ANKMY2: variants seen among roughly 807,000 people sequenced by gnomAD.
The protein encoded by ANKMY2 is ankyrin repeat and MYND domain containing 2.
A neutral mutation model predicts 50.4 loss-of-function variants in ANKMY2; 36 were observed. The ratio of observed to expected loss-of-function variants is 0.71; its 90% CI spans 0.55 to 0.94. The LOEUF (loss-of-function observed/expected upper bound fraction) is 0.94, where lower values mean the gene tolerates loss of function less well. Ranked by LOEUF, ANKMY2 falls within the 40% of genes least tolerant of loss-of-function variation. The pLI is 0.00. For synonymous variants in ANKMY2, 187 were observed against 178.8 expected (o/e 1.05, Z -0.36); for missense variants, 565 against 524.0 (o/e 1.08, Z -0.76).
intron 8 of ANKMY2, among the ~76,000 whole-genome samples, chr7:16,604,022 T>C: frequency 6.6e-6 from 1 of 152,230 alleles, no homozygotes; most frequent in Non-Finnish European, 1.5e-5. Flanking sequence ...GGAAACAGGT[T>C]CAGAGAAGTA....
At chr7:16,641,812 G>T (rs910834537) in intron 1 of ANKMY2, among the ~76,000 whole-genome samples, 3 of 152,150 alleles carry the variant, frequency 2.0e-5, no homozygotes, top group African/African-American at 7.2e-5. Flanking sequence ...GATACTTATT[G>T]TATGATTCTA....
chr7:16,614,644 A>G (rs1462330037), intron 5 of ANKMY2, among the ~76,000 whole-genome samples: 1 of 152,220 alleles, frequency 6.6e-6, no homozygotes, highest in African/African-American at 2.4e-5. Flanking sequence ...AGTCTTCAGA[A>G]GAGTCACCTT....
intron 7 of ANKMY2, among the ~76,000 whole-genome samples, chr7:16,609,336 C>T (rs1198343637): frequency 4.6e-5 from 7 of 152,028 alleles, no homozygotes; most frequent in African/African-American, 1.7e-4. Flanking sequence ...ATGTGTGTAC[C>T]TATATTACAT....
chr7:16,625,878 G>A (rs943943038), intron 3 of ANKMY2, among the ~76,000 whole-genome samples: 3 of 151,636 alleles, frequency 2.0e-5, no homozygotes, highest in African/African-American at 4.8e-5. Context: ...TGATTACTGC[G>A]CAAAATGTTT....
chr7:16,623,468 T>C (rs964620975), intron 4 of ANKMY2, among the ~76,000 whole-genome samples: 1 of 152,306 alleles, frequency 6.6e-6, no homozygotes, highest in Admixed American at 6.5e-5. Flanking sequence ...TTGGGAAATT[T>C]TTTTACCTGT....
At chr7:16,620,726 A>G (rs1398312913) in intron 4 of ANKMY2, among the ~76,000 whole-genome samples, 1 of 152,174 alleles carries the variant, frequency 6.6e-6, no homozygotes, top group Non-Finnish European at 1.5e-5. Flanking sequence ...AATATACATA[A>G]GCTAAATACC....
intron 4 of ANKMY2, among the ~76,000 whole-genome samples, chr7:16,619,582 A>G (rs1249366178): frequency 6.6e-6 from 1 of 152,168 alleles, no homozygotes; most frequent in Non-Finnish European, 1.5e-5. Flanking sequence ...ATATTTGAAT[A>G]ATATGTTTAA....
At chr7:16,612,414 T>G (rs528137696) in intron 5 of ANKMY2, among the ~76,000 whole-genome samples, 21 of 152,220 alleles carry the variant, frequency 1.4e-4, no homozygotes, top group Non-Finnish European at 2.5e-4. Flanking sequence ...TTAGACTTAA[T>G]GAAGTAAGTA....
At chr7:16,620,500 G>T (rs1002236522) in intron 4 of ANKMY2, among the ~76,000 whole-genome samples, 2 of 152,014 alleles carry the variant, frequency 1.3e-5, no homozygotes, top group African/African-American at 4.8e-5. Flanking sequence ...ATCTTATAAA[G>T]TTGCTAAATG....
Position 16,645,593 on chromosome 7 carries a change from G to A in ANKMY2, c.-20C>T, listed in dbSNP as rs199967015. The A allele has an allele frequency of 1.2e-6, 2 of 1,608,102 alleles. No individual in the cohort carries two copies. The highest frequency in any genetic ancestry group is 2.3e-5 in the East Asian group (1 of 44,418). ...AACCATTGCTCCCGCCAGCTTGAAG[G>A]TTATTCCCTTTCTTAGGGAGTATTA... On this transcript the variant is annotated 5_prime_UTR_variant, in exon 1 of 10. Transcript: ENST00000306999.
At chr7:16,602,086 G>C (rs1398325523) in intron 9 of ANKMY2, among the ~76,000 whole-genome samples, 6 of 152,124 alleles carry the variant, frequency 3.9e-5, no homozygotes, top group Non-Finnish European at 5.9e-5. Context: ...CAGAATATAA[G>C]TTAATACCCA....
rs544424587 is a variant in ANKMY2 at position 16,632,824 on chromosome 7, C to T, written c.132+3567G>A. ...CCATGTTTAATCATGTGAGGAACTGCGAGACTATTTTCCAAAGTGGCTACA... is the reference window on the plus strand; with the variant it reads ...CCATGTTTAATCATGTGAGGAACTGTGAGACTATTTTCCAAAGTGGCTACA... On this transcript the variant is annotated intron_variant, in intron 2 of 9. Transcript: ENST00000306999. Among the ~76,000 whole-genome samples the T allele has an allele frequency of 1.5e-4, 23 of 152,262 alleles. 1 individual carries two copies. The South Asian group carries it at 2.5e-3, about 16-fold the overall frequency.
intron 1 of ANKMY2, chr7:16,644,635 T>C: frequency 2.1e-6 from 1 of 469,964 alleles, no homozygotes; most frequent in South Asian, 1.6e-5. Context: ...CGCATCACCA[T>C]CCCTGCACCG....
At chr7:16,604,956 G>A in intron 7 of ANKMY2, 107 bp from the exon 8 acceptor site, 1 of 1,133,342 alleles carries the variant, frequency 8.8e-7, no homozygotes, top group Non-Finnish European at 1.2e-6. Flanking sequence ...GACACAAAAA[G>A]GAAGAAATCA....
chr7:16,639,115 C>T (rs973774292), intron 1 of ANKMY2, among the ~76,000 whole-genome samples: 1 of 152,138 alleles, frequency 6.6e-6, no homozygotes, highest in African/African-American at 2.4e-5. Context: ...ATTTCCAATT[C>T]GGTGTTCACA....
chr7:16,639,357 G>C (rs1055231439), intron 1 of ANKMY2, among the ~76,000 whole-genome samples: 8 of 152,156 alleles, frequency 5.3e-5, no homozygotes, highest in African/African-American at 1.9e-4. Flanking sequence ...TATAAGAAGG[G>C]ATGTGCAAGG....
At chr7:16,636,791 C>T (rs1363453004) in intron 1 of ANKMY2, among the ~76,000 whole-genome samples, 1 of 152,112 alleles carries the variant, frequency 6.6e-6, no homozygotes, top group Non-Finnish European at 1.5e-5. Context: ...GGTATCTAAT[C>T]CAAATCACCA....
intron 5 of ANKMY2, among the ~76,000 whole-genome samples, chr7:16,611,053 G>T (rs1781242608): frequency 6.6e-6 from 1 of 152,174 alleles, no homozygotes. Context: ...TGATTTTACA[G>T]TCTCTGTTAA....
intron 5 of ANKMY2, among the ~76,000 whole-genome samples, chr7:16,611,855 A>G (rs1157955203): frequency 1.3e-5 from 2 of 152,178 alleles, no homozygotes; most frequent in African/African-American, 4.8e-5. Context: ...CAAACCAATC[A>G]GCATGCACTC....
Sources: allele counts gnomAD v4.1 joint callset (sites outside exome capture counted in the v4.1 genomes callset), GRCh38; gene constraint gnomAD v4.1.1; transcripts MANE v1.5; gene names NCBI Gene and HGNC (gene_info 2026-07-23, HGNC 2026-07-21).